DNAH8: variants seen among roughly 807,000 people sequenced by gnomAD.
DNAH8 encodes axonemal beta dynein heavy chain 8.
A neutral mutation model predicts 562.1 loss-of-function variants in DNAH8; 382 were observed. That is an observed-to-expected ratio of 0.68 (90% confidence interval 0.63 to 0.74). DNAH8 has a LOEUF of 0.74. Among genes scored for constraint, DNAH8 ranks in the 30% least tolerant of loss-of-function variants. The probability of loss-of-function intolerance (pLI) is 0.00; values close to 1 mark genes in which losing one functional copy is unlikely to be tolerated. For synonymous variants in DNAH8, 1,881 were observed against 1,919.4 expected (o/e 0.98, Z 0.52); for missense variants, 5,203 against 5,620.4 (o/e 0.93, Z 2.37).
intron 22 of DNAH8, among the ~76,000 whole-genome samples, chr6:38,803,683 C>A (rs72851507): frequency 0.14 from 20,838 of 144,890 alleles, 1,654 homozygotes; most frequent in Admixed American, 0.24. Context: ...TTTTGAGAAA[C>A]ATAAACCAGG....
chr6:38,915,837 CACACACACACACACAT>C (rs1156622436), intron 68 of DNAH8, among the ~76,000 whole-genome samples: 14 of 107,504 alleles, frequency 1.3e-4, no homozygotes, highest in Admixed American at 1.1e-4. Flanking sequence ...ATATATAATA[CACACACACACACACAT>C]ACACACACAC....
Position 38,915,107 on chromosome 6 carries a change from T to C in DNAH8, c.9964-94T>C, listed in dbSNP as rs982592410. 9 of 1,099,666 alleles carry C rather than the reference T, an allele frequency of 8.2e-6. No individual in the cohort carries two copies. The African/African-American group carries it at 1.1e-4, about 14-fold the overall frequency. 68.1% of individuals were successfully genotyped at this position (1,099,666 alleles called of 1,614,324 possible). ...TAAGTTTGTTCTTATTCGTGTTTTA[T>C]ATTATGTTGAATAAATATTTGCTCA... On this transcript the variant is annotated intron_variant, in intron 67 of 92. Coordinates refer to ENST00000327475, the MANE Select transcript of DNAH8 (RefSeq NM_001206927.2).
chr6:38,872,103 T>A (rs1777513525), intron 49 of DNAH8, among the ~76,000 whole-genome samples: 1 of 152,226 alleles, frequency 6.6e-6, no homozygotes, highest in South Asian at 2.1e-4. Flanking sequence ...GATGTACTTC[T>A]GGGGAATTAG....
intron 12 of DNAH8, among the ~76,000 whole-genome samples, chr6:38,773,564 A>G (rs2127626950): frequency 6.6e-6 from 1 of 152,302 alleles, no homozygotes; most frequent in South Asian, 2.1e-4. Flanking sequence ...AGCACCCCCT[A>G]GAGGCCTTAC....
chr6:39,021,742 G>A (rs114855489), intron 91 of DNAH8, among the ~76,000 whole-genome samples: 1,879 of 152,248 alleles, frequency 0.012, 32 homozygotes, highest in African/African-American at 0.041. Context: ...GATTAGACAG[G>A]AAATACTGCA....
At chr6:38,945,690 A>C in intron 80 of DNAH8, 102 bp downstream of exon 80, 1 of 1,480,430 alleles carries the variant, frequency 6.8e-7, no homozygotes, top group Non-Finnish European at 9.2e-7. Flanking sequence ...TCACCCAAAA[A>C]AGTCAACCCA....
Position 38,899,823 on chromosome 6 carries a change from T to G in DNAH8, c.9111T>G (p.Gly3037=), listed in dbSNP as rs763138697. ...RTSCGNALLV[G]VGGSGKQSLS... ...CGTGTGGAAATGCATTGCTGGTGGG[T>G]GTTGGTGGTTCCGGAAAACAAAGTC... Residue 3037 remains glycine (G), a synonymous_variant, in exon 62 of 93, where the codon GGT becomes GGG. Coordinates refer to ENST00000327475, the MANE Select transcript of DNAH8 (RefSeq NM_001206927.2). 2 of 1,612,998 alleles carry G rather than the reference T, an allele frequency of 1.2e-6. No individual in the cohort carries two copies. The highest frequency in any genetic ancestry group is 1.7e-6 in the Non-Finnish European group (2 of 1,179,656).
chr6:38,756,349 A>AT (rs1359531204), intron 10 of DNAH8, among the ~76,000 whole-genome samples: 1 of 152,134 alleles, frequency 6.6e-6, no homozygotes, highest in Non-Finnish European at 1.5e-5. Flanking sequence ...AATAGTTTTG[A>AT]TTCTACCCAA....
Position 38,834,634 on chromosome 6 carries a change from T to C in DNAH8, c.4358T>C (p.Ile1453Thr). Residue 1453 changes from isoleucine (I) to threonine (T), a missense_variant, in exon 32 of 93, where the codon ATA becomes ACA. Physicochemically the swap from Ile to Thr is moderately conservative, Grantham distance 89. Around this residue, in one of 6 missense-constraint regions of DNAH8, gnomAD observed 2,176 missense variants for 2,365.1 expected, o/e 0.92. Coordinates refer to ENST00000327475, the MANE Select transcript of DNAH8 (RefSeq NM_001206927.2). ...PPQEASNRLQ[I>T]FQASFDDLWR... Reference sequence around the variant, plus strand: ...CAAGAAGCTAGCAACAGGCTACAGATATTTCAGGTGAAACCACATTTTTTT... The same window carrying C: ...CAAGAAGCTAGCAACAGGCTACAGACATTTCAGGTGAAACCACATTTTTTT... 1 of 1,607,884 alleles carries C rather than the reference T, an allele frequency of 6.2e-7. No individual in the cohort carries two copies. Among genetic ancestry groups the C allele is most frequent in the Non-Finnish European group, 8.5e-7 (1 of 1,177,066 alleles).
intron 4 of DNAH8, 139 bp from the exon 5 acceptor site, chr6:38,734,335 C>CAAA: frequency 5.4e-6 from 3 of 557,576 alleles, no homozygotes; most frequent in Non-Finnish European, 7.9e-6. Flanking sequence ...GACCCCCCCC[C>CAAA]AAAAAAATTA....
intron 10 of DNAH8, among the ~76,000 whole-genome samples, chr6:38,760,634 G>T (rs1050978398): frequency 6.6e-6 from 1 of 152,156 alleles, no homozygotes; most frequent in African/African-American, 2.4e-5. Flanking sequence ...GTGATCCTCA[G>T]TGTTGGAGAT....
chr6:38,939,903 C>T (rs1157190451), intron 79 of DNAH8, among the ~76,000 whole-genome samples: 1 of 152,094 alleles, frequency 6.6e-6, no homozygotes, highest in Non-Finnish European at 1.5e-5. Flanking sequence ...AATGGAACAG[C>T]ATGAGAAAGG....
chr6:38,889,302 A>C (rs1779175947), intron 57 of DNAH8, among the ~76,000 whole-genome samples: 2 of 152,182 alleles, frequency 1.3e-5, no homozygotes, highest in African/African-American at 4.8e-5. Flanking sequence ...CATTAAACTG[A>C]ATTTCAAAAA....
intron 21 of DNAH8, among the ~76,000 whole-genome samples, chr6:38,802,499 T>G (rs1770871517): frequency 6.6e-6 from 1 of 152,280 alleles, no homozygotes; most frequent in African/African-American, 2.4e-5. Flanking sequence ...TGAATTTGAC[T>G]AGTTCTCAAC....
intron 77 of DNAH8, 135 bp from the exon 78 acceptor site, chr6:38,937,839 C>A: frequency 9.7e-7 from 1 of 1,034,026 alleles, no homozygotes; most frequent in Non-Finnish European, 1.4e-6. Context: ...TAAGATTCTA[C>A]TGTACCAGTA....
intron 71 of DNAH8, among the ~76,000 whole-genome samples, chr6:38,922,167 A>G (rs1035452922): frequency 5.9e-5 from 9 of 152,020 alleles, no homozygotes; most frequent in African/African-American, 2.2e-4. Context: ...GAGACCTGAC[A>G]GGGGCAATCT....
intron 21 of DNAH8, 152 bp downstream of exon 21, chr6:38,791,826 A>T: frequency 1.4e-6 from 1 of 728,266 alleles, no homozygotes; most frequent in Non-Finnish European, 2.2e-6. Flanking sequence ...AAGGACTTTC[A>T]TGCCTTCAAT....
At chr6:38,931,742 C>G in intron 75 of DNAH8, 69 bp from the exon 76 acceptor site, 1 of 1,055,838 alleles carries the variant, frequency 9.5e-7, no homozygotes, top group South Asian at 2.0e-5. Flanking sequence ...AAATTCTTTT[C>G]TAAATTGAAC....
Position 38,875,802 on chromosome 6 carries a change from T to C in DNAH8, c.7832T>C (p.Met2611Thr). The C allele has an allele frequency of 6.2e-7, 1 of 1,613,500 alleles. No individual in the cohort carries two copies. Among genetic ancestry groups the C allele is most frequent in the African/African-American group, 1.3e-5 (1 of 75,040 alleles). Residue 2611 changes from methionine (M) to threonine (T), a missense_variant, in exon 53 of 93, where the codon ATG becomes ACG. Physicochemically the swap from Met to Thr is moderately conservative, Grantham distance 81. Transcript: ENST00000327475. The stretch of plus-strand genomic sequence containing the variant: ...ATACCTAAAGGCTCAAATCAAACCA[T>C]GTATGAGTTTTATGTTACTGATTAT... ...PEIPKGSNQT[M>T]YEFYVTDYGD...
Sources: allele counts gnomAD v4.1 joint callset (sites outside exome capture counted in the v4.1 genomes callset), GRCh38; gene constraint gnomAD v4.1.1; regional missense constraint gnomAD v4.1.1; transcripts MANE v1.5; gene names NCBI Gene and HGNC (gene_info 2026-07-23, HGNC 2026-07-21).